MYO15A: variants seen among roughly 807,000 people sequenced by gnomAD.
MYO15A encodes myosin XVA.
In MYO15A, 308 loss-of-function variants were observed where a neutral mutation model predicts 394.6. The ratio of observed to expected loss-of-function variants is 0.78; its 90% CI spans 0.71 to 0.86. The LOEUF is 0.86. Among genes scored for constraint, MYO15A ranks in the 40% least tolerant of loss-of-function variants. The pLI is 0.00. For synonymous variants in MYO15A, 1,957 were observed against 2,003.8 expected (o/e 0.98, Z 0.62); for missense variants, 4,606 against 4,799.1 (o/e 0.96, Z 1.19).
intron 2 of MYO15A, 148 bp downstream of exon 2, chr17:18,122,557 C>T (rs1178553063): frequency 2.5e-6 from 3 of 1,223,190 alleles, no homozygotes; most frequent in East Asian, 2.6e-5. Flanking sequence ...GGGAGAACAG[C>T]CTGGACCTCC....
At chr17:18,160,916 T>G in intron 56 of MYO15A, 1 of 366,746 alleles carries the variant, frequency 2.7e-6, no homozygotes, top group Non-Finnish European at 5.3e-6. Flanking sequence ...CTCCTCAGGA[T>G]TTTTAGAACC....
At chr17:18,129,344 A>T (rs1466463001) in intron 7 of MYO15A, among the ~76,000 whole-genome samples, 4 of 152,186 alleles carry the variant, frequency 2.6e-5, no homozygotes, top group Non-Finnish European at 1.5e-5. Context: ...GAAGCAGCCA[A>T]CCTGTCCTCA....
chr17:18,131,537 C>T lies in MYO15A; in HGVS notation c.4206+6C>T, dbSNP rs1402868562. On this transcript the variant is annotated splice_donor_region_variant and intron_variant, in intron 10 of 65. Transcript: ENST00000647165. ...AATCCAGGATCGTGTTTCAGGTGGG[C>T]CACCCCCTCCCAGGCCTCTGTGTTG... is the stretch of plus-strand genomic sequence containing the variant. 1 of 1,613,794 alleles carries T rather than the reference C, an allele frequency of 6.2e-7. No homozygotes were observed. The highest frequency in any genetic ancestry group is 1.1e-5 in the South Asian group (1 of 91,040).
chr17:18,163,874 T>G (rs2046811334), intron 60 of MYO15A, 36 bp downstream of exon 60: 2 of 1,593,926 alleles, frequency 1.3e-6, no homozygotes, highest in African/African-American at 1.3e-5. Flanking sequence ...CTGGGCCCAT[T>G]CCCATCCCCG....
Position 18,132,447 on chromosome 17 carries a change from C to CT in MYO15A, c.4207-5dup, listed in dbSNP as rs993371599. 1 of 1,613,600 alleles carries CT rather than the reference C, an allele frequency of 6.2e-7. No homozygotes were observed. The highest frequency in any genetic ancestry group is 1.3e-5 in the African/African-American group (1 of 74,948). On this transcript the variant is annotated splice_region_variant and splice_polypyrimidine_tract_variant and intron_variant, in intron 10 of 65. Transcript: ENST00000647165. This position sits in a 1 kb window ranked among gnomAD's most constrained non-coding sequence, Gnocchi z 4.6. ...CCTTCTCTGTGCCCACCTACCCACT[C>CT]TACAGGCCAAAAACGAGAGGAATTA...
At position 18,148,723 on chromosome 17, in the gene MYO15A, C is replaced by T; in HGVS notation, c.6765-38C>T. ...TCTCCCCAGGTAGTGCCTGATGACTCTGTCCCTCATTTCCATTCCTGTGCA... is the reference window on the plus strand; with the variant it reads ...TCTCCCCAGGTAGTGCCTGATGACTTTGTCCCTCATTTCCATTCCTGTGCA... On this transcript the variant is annotated intron_variant, in intron 32 of 65. Coordinates refer to ENST00000647165, the MANE Select transcript of MYO15A (RefSeq NM_016239.4). The surrounding 1 kb of genome is among the most constrained non-coding windows in gnomAD (Gnocchi z 4.8). 1 of 1,567,762 alleles carries T rather than the reference C, an allele frequency of 6.4e-7. No homozygotes were observed. The highest frequency in any genetic ancestry group is 8.7e-7 in the Non-Finnish European group (1 of 1,155,562).
In MYO15A at chr17:18,158,524, G is replaced by T; in HGVS notation, c.8969G>T (p.Gly2990Val). ...AAQEVGRRRE[G>V]PPVRARSADH... ...TTCCTAGCTCCGCCTCTTCTGCAGG[G>T]TCCCCCAGTCAGGGCCCGCTCTGCT... Residue 2990 changes from glycine (G) to valine (V), a missense_variant and splice_region_variant, in exon 52 of 66, where the codon GGT becomes GTT. This residue lies in a region of MYO15A where 2,776 missense variants were observed against 3,109.3 expected (regional missense o/e 0.89). Coordinates refer to ENST00000647165, the MANE Select transcript of MYO15A (RefSeq NM_016239.4). 6.2e-7 allele frequency: 1 copy of T among 1,613,986 alleles called. No homozygotes were observed. The highest frequency in any genetic ancestry group is 8.5e-7 in the Non-Finnish European group (1 of 1,179,906).
chr17:18,132,614 C>T lies in MYO15A; in HGVS notation c.4320+48C>T. 1 of 1,513,632 alleles carries T rather than the reference C, an allele frequency of 6.6e-7. No homozygotes were observed. Among genetic ancestry groups the T allele is most frequent in the Non-Finnish European group, 9.1e-7 (1 of 1,099,632 alleles). The allele number at this position is 1,513,632 out of a possible 1,614,324, so 93.8% of individuals were successfully genotyped here. ...AGGCCCCTGGCCCTGGTCCTCCCAC[C>T]CCGACGCCCCTGGCTGGGCCTTGGG... On this transcript the variant is annotated intron_variant, in intron 11 of 65. Transcript: ENST00000647165. The surrounding 1 kb of genome is among the most constrained non-coding windows in gnomAD (Gnocchi z 4.6).
In MYO15A at chr17:18,120,865, C is replaced by CTACGTA; in HGVS notation, c.2065_2066insTACGTA (p.Pro688_Arg689insLeuArg). The CTACGTA allele has an allele frequency of 8.0e-7, 1 of 1,245,946 alleles. No homozygotes were observed. The highest frequency in any genetic ancestry group is 1.0e-6 in the Non-Finnish European group (1 of 990,972). The allele number at this position is 1,245,946 out of a possible 1,614,324, so 77.2% of individuals were successfully genotyped here. A position where few individuals can be genotyped will look rare whatever the true frequency, so the allele number is the denominator to read the frequency against. ...CTCCCCGGCGCTCTCGGGCCTGCCC[C>CTACGTA]GGCCGGCCTCGCCCTACGGCTCCCT... On this transcript the variant is annotated inframe_insertion, in exon 2 of 66. Transcript: ENST00000647165.
At chr17:18,169,248 A>G (rs1011941538) in intron 62 of MYO15A, among the ~76,000 whole-genome samples, 1 of 151,588 alleles carries the variant, frequency 6.6e-6, no homozygotes, top group Non-Finnish European at 1.5e-5. Context: ...GGGGTTTGAA[A>G]CCATCCTGGC....
intron 59 of MYO15A, 148 bp from the exon 60 acceptor site, chr17:18,163,594 G>A: frequency 2.5e-6 from 2 of 796,624 alleles, no homozygotes; most frequent in Non-Finnish European, 2.1e-6. Flanking sequence ...CCTGCCTGAG[G>A]CTGATTCTCA....
chr17:18,160,096 C>A, intron 56 of MYO15A, 79 bp downstream of exon 56: 1 of 1,374,130 alleles, frequency 7.3e-7, no homozygotes, highest in East Asian at 2.3e-5. Flanking sequence ...CTCCCACCTC[C>A]TCAGGCCTGA....
At chr17:18,152,600 G>A (rs2046603398) in intron 42 of MYO15A, among the ~76,000 whole-genome samples, 1 of 111,498 alleles carries the variant, frequency 9.0e-6, no homozygotes. Context: ...CTATAAAGCA[G>A]TTCCCATCCT....
At chr17:18,166,175 G>T (rs1218726606) in intron 60 of MYO15A, among the ~76,000 whole-genome samples, 186 bp from the exon 61 acceptor site, 1 of 152,220 alleles carries the variant, frequency 6.6e-6, no homozygotes. Context: ...TAAAACATAG[G>T]ACACCCCATT....
Position 18,172,234 on chromosome 17 carries a change from C to T in MYO15A, c.10294C>T (p.Pro3432Ser), listed in dbSNP as rs774229786. The change falls in exon 64 of 66, where the codon CCT becomes TCT. Residue 3432 changes from proline to serine, a missense_variant. This residue lies in a region of MYO15A where 2,776 missense variants were observed against 3,109.3 expected (regional missense o/e 0.89). Transcript: ENST00000647165. ...QSCSNIAVPAPCILAINHNGL... is the reference protein window; with the variant it reads ...QSCSNIAVPASCILAINHNGL... ...CTGCAGCAACATTGCTGTGCCAGCC[C>T]CTTGCATCCTTGCCATCAACCACAA... 26 of 1,614,224 alleles carry T rather than the reference C, an allele frequency of 1.6e-5. No homozygotes were observed. In the South Asian group the frequency reaches 2.6e-4, roughly 16 times the overall value.
chr17:18,119,572 G>A lies in MYO15A; in HGVS notation c.772G>A (p.Glu258Lys). Residue 258 changes from glutamate to lysine, a missense_variant, in exon 2 of 66, where the codon GAA becomes AAA. This residue lies in a region of MYO15A where 1,830 missense variants were observed against 1,689.7 expected (regional missense o/e 1.08). Transcript: ENST00000647165. ...GTCACTCCACCGCTACGAGGAGCAGGAACCCTACCTGGCGGGCCTCGGCCC... is the reference window on the plus strand; with the variant it reads ...GTCACTCCACCGCTACGAGGAGCAGAAACCCTACCTGGCGGGCCTCGGCCC... ...RQSLHRYEEQ[E>K]PYLAGLGPYS... The A allele has an allele frequency of 6.2e-7, 1 of 1,606,300 alleles. No homozygotes were observed. The highest frequency in any genetic ancestry group is 1.3e-5 in the African/African-American group (1 of 75,010).
rs751610544 is a variant in MYO15A, at chr17:18,148,019, T to C, written c.6510-10T>C. The C allele has an allele frequency of 1.9e-6, 3 of 1,613,908 alleles. No individual in the cohort carries two copies. Among genetic ancestry groups the C allele is most frequent in the Non-Finnish European group, 2.5e-6 (3 of 1,180,012 alleles). On this transcript the variant is annotated splice_polypyrimidine_tract_variant and intron_variant, in intron 30 of 65. Coordinates refer to ENST00000647165, the MANE Select transcript of MYO15A (RefSeq NM_016239.4). The surrounding 1 kb of genome is among the most constrained non-coding windows in gnomAD (Gnocchi z 4.8). ...CCTTCTTGATCCTGGCTCCAACTCC[T>C]ACCCATCAGGTTTGTGTCTGATTAT...
Position 18,135,827 on chromosome 17 carries a change from G to A in MYO15A, c.4596+3G>A. On this transcript the variant is annotated splice_donor_region_variant and intron_variant, in intron 13 of 65. Coordinates refer to ENST00000647165, the MANE Select transcript of MYO15A (RefSeq NM_016239.4). Reference sequence around the variant, plus strand: ...AGGCCATCACCTTCAAAGTGACCGTGAGTCTGTGGGCATCTGGCCTTCGAA... The same window carrying A: ...AGGCCATCACCTTCAAAGTGACCGTAAGTCTGTGGGCATCTGGCCTTCGAA... 6.2e-7 allele frequency: 1 copy of A among 1,612,906 alleles called. No homozygotes were observed. Among genetic ancestry groups the A allele is most frequent in the South Asian group, 1.1e-5 (1 of 90,836 alleles).
chr17:18,137,684 G>A lies in MYO15A; in HGVS notation c.4875+5G>A. ...ATCGTCTTCCAGGAGGAGCAGGTGT[G>A]TGGGCCCCATTAATACTCCTGTCCC... On this transcript the variant is annotated splice_donor_5th_base_variant and intron_variant, in intron 16 of 65. Coordinates refer to ENST00000647165, the MANE Select transcript of MYO15A (RefSeq NM_016239.4). 1.9e-6 allele frequency: 3 copies of A among 1,613,700 alleles called. No homozygotes were observed. The highest frequency in any genetic ancestry group is 1.3e-5 in the African/African-American group (1 of 75,032).
Sources: gnomAD v4.1 joint callset for allele counts (sites outside exome capture counted in the v4.1 genomes callset) on GRCh38, gnomAD v4.1.1 for gene constraint, gnomAD v4.1.1 regional missense constraint, Gnocchi (gnomAD v3.1) non-coding constraint, MANE v1.5 for transcripts, NCBI Gene and HGNC (gene_info 2026-07-23, HGNC 2026-07-21) for gene names.